Variants in KRTAP9-9 observed in about 807,000 individuals in gnomAD.
KRTAP9-9 encodes the protein keratin-associated protein 9-9.
A neutral mutation model predicts 13.7 loss-of-function variants in KRTAP9-9; 12 were observed. The observed-to-expected ratio is 0.88, with a 90% confidence interval of 0.56 to 1.42. The LOEUF (loss-of-function observed/expected upper bound fraction) is 1.42. Among genes scored for constraint, KRTAP9-9 ranks in the 40% most tolerant of loss-of-function variants. The pLI is 0.00. For synonymous variants in KRTAP9-9, 81 were observed against 78.1 expected, an observed-to-expected ratio of 1.04 and a Z score of -0.19; for missense variants, 194 against 206.5, an observed-to-expected ratio of 0.94 and a Z score of 0.37.
chr17:41,255,886 T>G (rs2016315272), exon 1 of KRTAP9-9: 1 of 1,613,950 alleles, frequency 6.2e-7, no homozygotes, highest in Non-Finnish European at 8.5e-7. Context: ...GCCAGCCTTC[T>G]TGCTGCTGAT....
Position 41,255,399 on chromosome 17 carries a change from G to T in KRTAP9-9, c.14G>T (p.Cys5Phe), listed in dbSNP as rs745396473. Residue 5 changes from cysteine to phenylalanine, a missense_variant, in exon 1 of 1, where the codon TGC (cysteine) becomes TTC (phenylalanine). Coordinates refer to ENST00000394008, the Ensembl canonical transcript of KRTAP9-9. ...ACCCCTGACACCATGACCCACTGTTGCTCCCCTTGCTGTCAGCCTACCTGC... is the reference window on the plus strand; with the variant it reads ...ACCCCTGACACCATGACCCACTGTTTCTCCCCTTGCTGTCAGCCTACCTGC... 1.8e-5 allele frequency: 24 copies of T among 1,319,760 alleles called. 1 individual carries two copies. The South Asian group carries it at 3.4e-4, about 19-fold the overall frequency. 81.8% of individuals were successfully genotyped at this position (1,319,760 alleles called of 1,614,324 possible). A position where few individuals can be genotyped will look rare whatever the true frequency, so the allele number is the denominator to read the frequency against.
At chr17:41,255,918 T>C (rs2016316009) in exon 1 of KRTAP9-9, 8 of 1,611,922 alleles carry the variant, frequency 5.0e-6, no homozygotes, top group Non-Finnish European at 6.8e-6. Context: ...AGAACAACCA[T>C]CTTCACACAA....
At chr17:41,255,676 G>T in exon 1 of KRTAP9-9, 1 of 1,613,078 alleles carries the variant, frequency 6.2e-7, no homozygotes, top group Non-Finnish European at 8.5e-7. Flanking sequence ...CCAGCTGTGG[G>T]TCCAGCTGTG....
chr17:41,255,570 G>A, exon 1 of KRTAP9-9: 1 of 1,610,030 alleles, frequency 6.2e-7, no homozygotes, highest in Non-Finnish European at 8.5e-7. Context: ...ACCACCTGCT[G>A]CCAGCCCACC....
exon 1 of KRTAP9-9, chr17:41,255,826 C>T (rs754884063): frequency 6.2e-7 from 1 of 1,613,124 alleles, no homozygotes; most frequent in South Asian, 1.1e-5. Context: ...GCTGTGAGAC[C>T]ACCTGCTGCA....
chr17:41,255,868 C>G (rs1332136305), exon 1 of KRTAP9-9: 1 of 1,613,894 alleles, frequency 6.2e-7, no homozygotes, highest in Non-Finnish European at 8.5e-7. Context: ...CCTGTGTGTC[C>G]AGCTGCTGCC....
At chr17:41,255,611 T>A in exon 1 of KRTAP9-9, 1 of 1,613,622 alleles carries the variant, frequency 6.2e-7, no homozygotes, top group Non-Finnish European at 8.5e-7. Context: ...GCCTTCCTGC[T>A]GCAGCACAAC....
At chr17:41,256,294 G>T in exon 1 of KRTAP9-9, 4 of 272,024 alleles carry the variant, frequency 1.5e-5, no homozygotes, top group Middle Eastern at 1.3e-3. Flanking sequence ...GATCACTTTG[G>T]GTTATCTCCC....
chr17:41,255,530 C>T, exon 1 of KRTAP9-9: 1 of 1,612,838 alleles, frequency 6.2e-7, no homozygotes. Context: ...TTGCTGCCGC[C>T]CAGCTTGCTG....
exon 1 of KRTAP9-9, chr17:41,255,507 G>A: frequency 6.2e-7 from 1 of 1,612,204 alleles, no homozygotes; most frequent in Admixed American, 1.7e-5. Context: ...TGTGTGTCTA[G>A]CTGCTGCCAG....
chr17:41,256,313 G>A (rs2016325373), exon 1 of KRTAP9-9: 1 of 241,432 alleles, frequency 4.1e-6, no homozygotes, highest in Admixed American at 5.1e-5. Flanking sequence ...CCTATAACCA[G>A]GGATCTTACC....
chr17:41,255,666 C>T (rs769855080), exon 1 of KRTAP9-9: 2 of 1,613,466 alleles, frequency 1.2e-6, no homozygotes, highest in Non-Finnish European at 1.7e-6. Flanking sequence ...TGTGGCCAAA[C>T]CAGCTGTGGG....
rs1193673337 is a variant in KRTAP9-9 at position 41,255,675 on chromosome 17, G to A, written c.290G>A (p.Gly97Glu). ...AGCTGCTGTGGCCAAACCAGCTGTG[G>A]GTCCAGCTGTGGCCAGAGCAGCTCC... The change falls in exon 1 of 1, where the codon GGG (glycine) becomes GAG (glutamate). Residue 97 changes from glycine (G) to glutamate (E), a missense_variant. Coordinates refer to ENST00000394008, the Ensembl canonical transcript of KRTAP9-9. 6 of 1,612,996 alleles carry A rather than the reference G, an allele frequency of 3.7e-6. No individual in the cohort carries two copies. Among genetic ancestry groups the A allele is most frequent in the Non-Finnish European group, 5.1e-6 (6 of 1,179,900 alleles).
chr17:41,256,237 C>G (rs1315958826), exon 1 of KRTAP9-9: 1 of 439,034 alleles, frequency 2.3e-6, no homozygotes, highest in Non-Finnish European at 4.2e-6. Context: ...ACTATGTTTT[C>G]TTTTCAATAT....
chr17:41,255,390 C>T (rs1479780052), exon 1 of KRTAP9-9: 1 of 1,593,348 alleles, frequency 6.3e-7, no homozygotes, highest in African/African-American at 1.4e-5. Context: ...GACACCATGA[C>T]CCACTGTTGC....
rs754384164 is a variant in KRTAP9-9 at position 41,255,603 on chromosome 17, C to T, written c.218C>T (p.Pro73Leu). Reference sequence around the variant, plus strand: ...ACCTGTCTGACCAGCTGCTGCCAGCCTTCCTGCTGCAGCACAACCTGCTGC... The same window carrying T: ...ACCTGTCTGACCAGCTGCTGCCAGCTTTCCTGCTGCAGCACAACCTGCTGC... The change falls in exon 1 of 1, where the codon CCT (proline) becomes CTT (leucine). Residue 73 changes from proline (P) to leucine (L), a missense_variant. Transcript: ENST00000394008. 3 of 1,613,600 alleles carry T rather than the reference C, an allele frequency of 1.9e-6. No homozygotes were observed. The East Asian group carries it at 6.7e-5, about 36-fold the overall frequency.
At chr17:41,255,493 C>A (rs767986604) in exon 1 of KRTAP9-9, 1 of 1,611,678 alleles carries the variant, frequency 6.2e-7, no homozygotes, top group Non-Finnish European at 8.5e-7. Context: ...GCCAGCCCTC[C>A]TGCTGTGTGT....
chr17:41,255,557 A>G, exon 1 of KRTAP9-9: 1 of 1,613,760 alleles, frequency 6.2e-7, no homozygotes, highest in Non-Finnish European at 8.5e-7. Context: ...CACCTGCTGC[A>G]GGACCACCTG....
At chr17:41,255,882 C>G in exon 1 of KRTAP9-9, 1 of 1,614,120 alleles carries the variant, frequency 6.2e-7, no homozygotes, top group Non-Finnish European at 8.5e-7. Context: ...TGCTGCCAGC[C>G]TTCTTGCTGC....
Sources: gnomAD v4.1 joint callset for allele counts on GRCh38, gnomAD v4.1.1 for gene constraint, MANE v1.5 for transcripts, NCBI Gene and HGNC (gene_info 2026-07-23, HGNC 2026-07-21) for gene names.